The following WDFY3 variants were observed in gnomAD, a reference collection of about 807,000 sequenced individuals.
WDFY3 encodes the protein WD repeat and FYVE domain containing 3, also known as WD repeat and FYVE domain-containing protein 3.
A neutral mutation model predicts 409.6 loss-of-function variants in WDFY3; 66 were observed. That is an observed-to-expected ratio of 0.16 (90% CI 0.13 to 0.20). The LOEUF (loss-of-function observed/expected upper bound fraction) is 0.20. Among genes scored for constraint, WDFY3 ranks in the 10% least tolerant of loss-of-function variants. The pLI is 1.00. For missense variants in WDFY3, 3,031 were observed against 4,298.1 expected (o/e 0.71, Z 8.24); for synonymous variants, 1,521 against 1,537.1 (o/e 0.99, Z 0.25).
At position 84,824,595 on chromosome 4, in the gene WDFY3, TG is replaced by T. The variant is rs377150854; in HGVS notation, c.1123+2219del. Among the ~76,000 whole-genome samples, 47 of 152,074 alleles carry T rather than the reference TG, an allele frequency of 3.1e-4. 1 individual carries two copies. The East Asian group carries it at 7.7e-3, about 25-fold the overall frequency. On this transcript the variant is annotated intron_variant, in intron 10 of 67. Transcript: ENST00000295888. ...GTGGTTGCCAGGGCAAGGGTTAAGGTGGGGAGGACTGACTGCAAGGAGAACA... is the reference window on the plus strand; with the variant it reads ...GTGGTTGCCAGGGCAAGGGTTAAGGTGGGAGGACTGACTGCAAGGAGAACA...
chr4:84,867,135 G>A (rs1343534574), intron 3 of WDFY3, among the ~76,000 whole-genome samples: 2 of 152,070 alleles, frequency 1.3e-5, no homozygotes, highest in Admixed American at 1.3e-4. Flanking sequence ...AACATGCCAA[G>A]CACACTAGTT....
At chr4:84,686,887 T>C (rs1488776120) in intron 62 of WDFY3, among the ~76,000 whole-genome samples, 1 of 152,180 alleles carries the variant, frequency 6.6e-6, no homozygotes, top group African/African-American at 2.4e-5. Flanking sequence ...ATCTTAGCAA[T>C]GAATCCCCTC....
At chr4:84,741,519 C>G (rs183673052) in intron 38 of WDFY3, among the ~76,000 whole-genome samples, 144 of 152,080 alleles carry the variant, frequency 9.5e-4, no homozygotes, top group Admixed American at 2.5e-3. Flanking sequence ...CTCACCATGT[C>G]GGTCAGGCTG....
chr4:84,937,667 C>T (rs916513901), intron 1 of WDFY3, among the ~76,000 whole-genome samples: 2 of 152,156 alleles, frequency 1.3e-5, no homozygotes, highest in Non-Finnish European at 2.9e-5. Context: ...CTCCCAAAAT[C>T]TCCCAGTGGC....
chr4:84,807,359 T>A (rs1367859104), intron 15 of WDFY3, among the ~76,000 whole-genome samples: 3 of 152,154 alleles, frequency 2.0e-5, no homozygotes, highest in Non-Finnish European at 4.4e-5. Context: ...TAAGTGTAAA[T>A]TTAAGAGAAA....
intron 24 of WDFY3, 77 bp downstream of exon 24, chr4:84,785,902 G>A: frequency 2.7e-6 from 4 of 1,504,234 alleles, no homozygotes; most frequent in South Asian, 1.2e-5. Flanking sequence ...TCATAATTGA[G>A]TAGTATCCAT....
intron 15 of WDFY3, among the ~76,000 whole-genome samples, chr4:84,805,492 A>G (rs1751363543): frequency 1.3e-5 from 2 of 152,150 alleles, no homozygotes. Flanking sequence ...TGATTAAATC[A>G]CCTAGGTATC....
intron 3 of WDFY3, among the ~76,000 whole-genome samples, chr4:84,892,459 T>C (rs1342734976): frequency 6.6e-6 from 1 of 152,192 alleles, no homozygotes; most frequent in Non-Finnish European, 1.5e-5. Context: ...CATCATTTTG[T>C]TAATATCAAA....
chr4:84,900,387 C>T (rs1766192556), intron 2 of WDFY3, among the ~76,000 whole-genome samples: 1 of 151,984 alleles, frequency 6.6e-6, no homozygotes, highest in African/African-American at 2.4e-5. Flanking sequence ...CCACAACCAG[C>T]TAATTTTTAA....
chr4:84,815,618 G>C (rs1753181249), intron 13 of WDFY3, among the ~76,000 whole-genome samples: 1 of 152,000 alleles, frequency 6.6e-6, no homozygotes, highest in Non-Finnish European at 1.5e-5. Flanking sequence ...TTATTTCATA[G>C]AAAGTCCTCC....
intron 66 of WDFY3, among the ~76,000 whole-genome samples, 191 bp downstream of exon 66, chr4:84,677,961 CAAAAAAAAAAAAAAAA>C (rs986393073): frequency 9.4e-5 from 2 of 21,180 alleles, no homozygotes; most frequent in Non-Finnish European, 9.3e-5. Flanking sequence ...GACCCTGTCT[CAAAAAAAAAAAAAAAA>C]AAAAAAAAAA....
At chr4:84,844,409 T>TG in intron 5 of WDFY3, 1 of 1,278,960 alleles carries the variant, frequency 7.8e-7, no homozygotes, top group Non-Finnish European at 1.0e-6. Context: ...GCTTCCATGC[T>TG]TCTTTTCATT....
At position 84,810,316 on chromosome 4, in the gene WDFY3, T is replaced by C. The variant is rs1466910188; in HGVS notation, c.1916A>G (p.His639Arg). The change falls in exon 14 of 68, where the codon CAT becomes CGT. Residue 639 changes from histidine (H) to arginine (R), a missense_variant. Physicochemically the swap from His to Arg is conservative, Grantham distance 29 (BLOSUM62 0). Transcript: ENST00000295888. Reference sequence around the variant, plus strand: ...TTTCCTAAAAACTGTTCTTGAACGATGGCTTTCTCGAAGGACCGACAGGAG... The same window carrying C: ...TTTCCTAAAAACTGTTCTTGAACGACGGCTTTCTCGAAGGACCGACAGGAG... ...RALLSVLRES[H>R]RSRTVFRKVG... The C allele has an allele frequency of 2.5e-6, 4 of 1,609,698 alleles. No individual in the cohort carries two copies. The African/African-American group carries it at 4.0e-5, about 16-fold the overall frequency.
intron 56 of WDFY3, 77 bp downstream of exon 56, chr4:84,702,276 A>G (rs1381074530): frequency 6.3e-6 from 9 of 1,437,862 alleles, no homozygotes; most frequent in Non-Finnish European, 7.4e-6. Flanking sequence ...GCTGCAGACA[A>G]TCTTCAGAGA....
chr4:84,949,716 C>G (rs1022708286), intron 1 of WDFY3, among the ~76,000 whole-genome samples: 4 of 152,162 alleles, frequency 2.6e-5, no homozygotes, highest in Admixed American at 2.6e-4. Flanking sequence ...GTTGTTTCCT[C>G]TGCTTTCTCT....
At chr4:84,753,077 A>C (rs1740817135) in intron 35 of WDFY3, among the ~76,000 whole-genome samples, 1 of 152,210 alleles carries the variant, frequency 6.6e-6, no homozygotes, top group South Asian at 2.1e-4. Flanking sequence ...TGCTTCAGTG[A>C]ATTTCCACGT....
In WDFY3 at chr4:84,721,476, C is replaced by G; in HGVS notation, c.7538G>C (p.Ser2513Thr). 6.2e-7 allele frequency: 1 copy of G among 1,613,392 alleles called. No individual in the cohort carries two copies. Residue 2513 changes from serine to threonine, a missense_variant, in exon 47 of 68, where the codon AGC (serine) becomes ACC (threonine). Coordinates refer to ENST00000295888, the MANE Select transcript of WDFY3 (RefSeq NM_014991.6). ...EQLQDQIAEGSSIEEEEKTDN... is the reference protein window; with the variant it reads ...EQLQDQIAEGTSIEEEEKTDN... The stretch of plus-strand genomic sequence containing the variant: ...TGTTTTCTCCTCCTCTTCTATGGAG[C>G]TGCCCTCAGCAATCTGGTCTTGTAG...
intron 2 of WDFY3, among the ~76,000 whole-genome samples, chr4:84,916,830 G>A (rs1455428835): frequency 6.6e-6 from 1 of 152,122 alleles, no homozygotes; most frequent in Admixed American, 6.6e-5. Flanking sequence ...AAGCAAATTA[G>A]AATTTTTGAG....
chr4:84,852,103 C>T (rs959655740), intron 4 of WDFY3, among the ~76,000 whole-genome samples: 1 of 152,128 alleles, frequency 6.6e-6, no homozygotes, highest in Non-Finnish European at 1.5e-5. Flanking sequence ...TGGCCAACCC[C>T]ATAACTTTTG....
Sources: allele counts gnomAD v4.1 joint callset (sites outside exome capture counted in the v4.1 genomes callset), GRCh38; gene constraint gnomAD v4.1.1; transcripts MANE v1.5; gene names NCBI Gene and HGNC (gene_info 2026-07-23, HGNC 2026-07-21).